Variants in SHISA9 observed in about 807,000 individuals in gnomAD.
The protein encoded by SHISA9 is protein shisa-9.
In SHISA9, 13 loss-of-function variants were observed where a neutral mutation model predicts 38.0. The ratio of observed to expected loss-of-function variants is 0.34; its 90% CI spans 0.22 to 0.54. SHISA9 has a LOEUF of 0.54. SHISA9 is among the 20% of genes least tolerant of loss of function. The pLI is 0.91. For missense variants in SHISA9, 538 were observed against 575.8 expected, an observed-to-expected ratio of 0.93 and a Z score of 0.67; for synonymous variants, 275 against 242.0, an observed-to-expected ratio of 1.14 and a Z score of -1.27.
chr16:13,091,092 A>G (rs2073770217), intron 2 of SHISA9, among the ~76,000 whole-genome samples: 1 of 152,210 alleles, frequency 6.6e-6, no homozygotes, highest in South Asian at 2.1e-4. Flanking sequence ...TTCTGGGTTG[A>G]AAATTCTTTT....
rs144567364 is a variant in SHISA9 at position 13,202,047 on chromosome 16, G to A, written c.692-1347G>A. Among the ~76,000 whole-genome samples the A allele has an allele frequency of 5.3e-3, 597 of 112,286 alleles. 67 individuals are homozygous for A. Among genetic ancestry groups the A allele is most frequent in the East Asian group, 0.025 (111 of 4,410 alleles). The allele number at this position is 112,286 out of a possible 152,430, so 73.7% of individuals were successfully genotyped here. Reference sequence around the variant, plus strand: ...GAGCCATCATTATCTCCCAGTGATGGGATGGATAGACAGGAGGCGAGACCC... The same window carrying A: ...GAGCCATCATTATCTCCCAGTGATGAGATGGATAGACAGGAGGCGAGACCC... On this transcript the variant is annotated intron_variant, in intron 2 of 4. Coordinates refer to ENST00000558583, the MANE Select transcript of SHISA9 (RefSeq NM_001145204.3).
At chr16:13,481,994 A>C in the SHISA9 span, among the ~76,000 whole-genome samples, 2 of 152,164 alleles carry the variant, frequency 1.3e-5, no homozygotes, top group Admixed American at 1.3e-4. Context: ...CACTCTTTAC[A>C]TGCATTCCTT....
chr16:12,928,946 A>G (rs1405478492), intron 2 of SHISA9, among the ~76,000 whole-genome samples: 1 of 152,250 alleles, frequency 6.6e-6, no homozygotes, highest in African/African-American at 2.4e-5. Context: ...GAAGTGGCTA[A>G]TTTCAGATAC....
intron 2 of SHISA9, among the ~76,000 whole-genome samples, chr16:13,196,565 T>C (rs370374929): frequency 2.0e-5 from 3 of 152,200 alleles, no homozygotes; most frequent in African/African-American, 7.2e-5. Flanking sequence ...GGTACCTAGA[T>C]ATTTTGAAAC....
At chr16:13,060,002 TA>T (rs2073355565) in intron 2 of SHISA9, among the ~76,000 whole-genome samples, 1 of 152,140 alleles carries the variant, frequency 6.6e-6, no homozygotes, top group Admixed American at 6.5e-5. Flanking sequence ...TTAACAGCCC[TA>T]GCAAACAAAT....
At chr16:13,438,657 A>G in the SHISA9 span, among the ~76,000 whole-genome samples, 2 of 152,198 alleles carry the variant, frequency 1.3e-5, no homozygotes, top group Non-Finnish European at 2.9e-5. Context: ...ATAGGGGGAA[A>G]ATAATCATTT....
intron 2 of SHISA9, among the ~76,000 whole-genome samples, chr16:13,041,031 A>T (rs1174589881): frequency 1.3e-5 from 2 of 152,148 alleles, no homozygotes; most frequent in East Asian, 3.9e-4. Context: ...CCATTCATTC[A>T]TTTAACAAGT....
rs1206622600 is a variant in SHISA9, at chr16:13,202,093, T to G, written c.692-1301T>G. Among the ~76,000 whole-genome samples, 7 of 114,198 alleles carry G rather than the reference T, an allele frequency of 6.1e-5. 1 individual carries two copies. Among genetic ancestry groups the G allele is most frequent in the Non-Finnish European group, 1.3e-4 (7 of 54,052 alleles). The allele number at this position is 114,198 out of a possible 152,430, so 74.9% of individuals were successfully genotyped here. On this transcript the variant is annotated intron_variant, in intron 2 of 4. Coordinates refer to ENST00000558583, the MANE Select transcript of SHISA9 (RefSeq NM_001145204.3). The stretch of plus-strand genomic sequence containing the variant: ...GACCCATTCCCATTTGGGTCTCGCC[T>G]CCTGTCTATCCATCCCATTGCTCTC...
At chr16:13,441,528 T>C in the SHISA9 span, among the ~76,000 whole-genome samples, 1 of 152,208 alleles carries the variant, frequency 6.6e-6, no homozygotes, top group Non-Finnish European at 1.5e-5. Context: ...ACACAGGCCA[T>C]GCATGGAGAT....
the SHISA9 span, among the ~76,000 whole-genome samples, chr16:13,404,850 A>G: frequency 1.3e-5 from 2 of 152,330 alleles, no homozygotes; most frequent in East Asian, 3.9e-4. Flanking sequence ...ACGAGAGAGC[A>G]TCTTCTAGGG....
chr16:12,933,380 C>T (rs2071486810), intron 2 of SHISA9, among the ~76,000 whole-genome samples: 1 of 151,920 alleles, frequency 6.6e-6, no homozygotes, highest in South Asian at 2.1e-4. Flanking sequence ...CTGCAACCTC[C>T]GCCTCCTGGT....
intron 2 of SHISA9, among the ~76,000 whole-genome samples, chr16:13,181,662 G>A (rs2142031914): frequency 6.6e-6 from 1 of 152,160 alleles, no homozygotes; most frequent in South Asian, 2.1e-4. Flanking sequence ...CCTGACTTGT[G>A]AGTGGTTAAT....
chr16:13,333,687 C>T, the SHISA9 span, among the ~76,000 whole-genome samples: 3 of 152,110 alleles, frequency 2.0e-5, no homozygotes, highest in African/African-American at 7.2e-5. Context: ...TAGAGATGTC[C>T]TAAAAACCAT....
rs142542944 is a variant in SHISA9, at chr16:13,080,542, GC to G, written c.692-122851del. ...GGAGAATGAGACTTGATAATTTCTA[GC>G]TTCACCAAGACCACAGACATTGGAG... On this transcript the variant is annotated intron_variant, in intron 2 of 4. Coordinates refer to ENST00000558583, the MANE Select transcript of SHISA9 (RefSeq NM_001145204.3). Among the ~76,000 whole-genome samples the G allele has an allele frequency of 3.8e-3, 585 of 152,278 alleles. 4 individuals are homozygous for G. Among genetic ancestry groups the G allele is most frequent in the African/African-American group, 0.013 (559 of 41,556 alleles).
chr16:12,972,588 T>C (rs541663386), intron 2 of SHISA9, among the ~76,000 whole-genome samples: 3 of 152,368 alleles, frequency 2.0e-5, no homozygotes, highest in Admixed American at 6.5e-5. Flanking sequence ...GTGTCTGTTC[T>C]ATTCAATATA....
chr16:12,921,790 A>G (rs1444699237), intron 2 of SHISA9, among the ~76,000 whole-genome samples: 1 of 152,180 alleles, frequency 6.6e-6, no homozygotes, highest in Admixed American at 6.5e-5. Flanking sequence ...AAAAATTTTG[A>G]GGGAATTTCC....
At chr16:13,439,727 A>C in the SHISA9 span, among the ~76,000 whole-genome samples, 1 of 152,142 alleles carries the variant, frequency 6.6e-6, no homozygotes, top group Non-Finnish European at 1.5e-5. Flanking sequence ...CTTGAATGTG[A>C]GCCTTGGCCT....
At chr16:13,110,004 T>A (rs2073962219) in intron 2 of SHISA9, among the ~76,000 whole-genome samples, 1 of 152,218 alleles carries the variant, frequency 6.6e-6, no homozygotes, top group South Asian at 2.1e-4. Context: ...TCATTTCTTT[T>A]GAGTAGATAC....
At chr16:13,297,383 T>C in the SHISA9 span, among the ~76,000 whole-genome samples, 1 of 152,190 alleles carries the variant, frequency 6.6e-6, no homozygotes. Flanking sequence ...CAAACTTAGA[T>C]CGTGGAGCCT....
Sources: allele counts gnomAD v4.1 joint callset (sites outside exome capture counted in the v4.1 genomes callset), GRCh38; gene constraint gnomAD v4.1.1; transcripts MANE v1.5; gene names NCBI Gene and HGNC (gene_info 2026-07-23, HGNC 2026-07-21).